Variants in CACNA2D3 observed in about 807,000 individuals in gnomAD.
CACNA2D3 encodes calcium voltage-gated channel auxiliary subunit alpha2delta 3.
Under a neutral mutation model 160.6 loss-of-function variants are expected in CACNA2D3, and 60 were observed. That is an observed-to-expected ratio of 0.37 (90% CI 0.30 to 0.46). The LOEUF (loss-of-function observed/expected upper bound fraction) is 0.46, where lower values mean the gene tolerates loss of function less well. Ranked by LOEUF, CACNA2D3 falls within the 20% of genes least tolerant of loss-of-function variation. The pLI, the probability that CACNA2D3 is intolerant of heterozygous loss-of-function variation, is 1.00. For synonymous variants in CACNA2D3, 558 were observed against 492.9 expected, an observed-to-expected ratio of 1.13 and a Z score of -1.75; for missense variants, 1,205 against 1,365.0, an observed-to-expected ratio of 0.88 and a Z score of 1.85.
chr3:54,636,765 C>T lies in CACNA2D3; in HGVS notation c.1054-5363C>T, dbSNP rs12330161. Among the ~76,000 whole-genome samples, 460 of 151,972 alleles carry T rather than the reference C, an allele frequency of 3.0e-3. 9 individuals carry two copies. Among genetic ancestry groups the T allele is most frequent in the Middle Eastern group, 0.014 (4 of 294 alleles). On this transcript the variant is annotated intron_variant, in intron 10 of 37. Coordinates refer to ENST00000474759, the MANE Select transcript of CACNA2D3 (RefSeq NM_018398.3). ...TCGGACACGATCAGCAGGGAAAGCACGTGTGTTTTTATGAGAATTATGCCG... is the reference window on the plus strand; with the variant it reads ...TCGGACACGATCAGCAGGGAAAGCATGTGTGTTTTTATGAGAATTATGCCG...
chr3:54,975,356 TA>T (rs1458602285), intron 29 of CACNA2D3, among the ~76,000 whole-genome samples: 1 of 151,942 alleles, frequency 6.6e-6, no homozygotes, highest in Non-Finnish European at 1.5e-5. Context: ...CCGTCTTTAC[TA>T]AAAATACAAA....
chr3:54,480,258 T>C (rs371486034), intron 4 of CACNA2D3, among the ~76,000 whole-genome samples: 15 of 152,316 alleles, frequency 9.8e-5, no homozygotes, highest in South Asian at 2.1e-4. Flanking sequence ...ATAATTGCAC[T>C]GAAATCACTG....
intron 13 of CACNA2D3, among the ~76,000 whole-genome samples, chr3:54,783,336 T>A (rs987128069): frequency 6.6e-6 from 1 of 152,082 alleles, no homozygotes; most frequent in Non-Finnish European, 1.5e-5. Flanking sequence ...CCGGGCACGG[T>A]GGCTCACACC....
intron 27 of CACNA2D3, chr3:54,925,188 AT>A: frequency 6.2e-7 from 1 of 1,613,022 alleles, no homozygotes; most frequent in Non-Finnish European, 8.5e-7. Context: ...GAGCAGGACA[AT>A]CACACTGGAA....
intron 2 of CACNA2D3, among the ~76,000 whole-genome samples, chr3:54,239,576 A>C (rs1367148503): frequency 6.6e-6 from 1 of 152,260 alleles, no homozygotes; most frequent in Non-Finnish European, 1.5e-5. Context: ...TTGGATCAGA[A>C]GAAGGGAGAT....
chr3:54,670,857 G>A (rs1365025752), intron 11 of CACNA2D3, among the ~76,000 whole-genome samples: 1 of 152,098 alleles, frequency 6.6e-6, no homozygotes, highest in African/African-American at 2.4e-5. Context: ...ACTGGGAATG[G>A]CTACTGAGCA....
intron 31 of CACNA2D3, among the ~76,000 whole-genome samples, chr3:54,998,097 A>G (rs1702898658): frequency 1.3e-5 from 2 of 151,920 alleles, no homozygotes; most frequent in Admixed American, 1.3e-4. Context: ...GATAATGTCA[A>G]CACTGCTGAC....
chr3:54,756,793 C>G (rs1000700770), intron 12 of CACNA2D3, among the ~76,000 whole-genome samples: 3 of 152,140 alleles, frequency 2.0e-5, no homozygotes, highest in Admixed American at 1.3e-4. Flanking sequence ...AGATCTCAGA[C>G]ACTTTCCTCT....
intron 35 of CACNA2D3, among the ~76,000 whole-genome samples, chr3:55,036,870 T>C (rs1005214836): frequency 1.3e-5 from 2 of 152,150 alleles, no homozygotes; most frequent in African/African-American, 2.4e-5. Flanking sequence ...TATTTAGCAG[T>C]AGTTCCTAAA....
At chr3:54,970,424 TCCCTCCTCTCCTCCCCTCCCCTC>T (rs1702242051) in intron 29 of CACNA2D3, among the ~76,000 whole-genome samples, 2 of 109,454 alleles carry the variant, frequency 1.8e-5, no homozygotes, top group African/African-American at 3.5e-5. Context: ...TCTCTCCGTC[TCCCTCCTCTCCTCCCCTCCCCTC>T]CCCTCCTCTC....
At chr3:54,165,790 C>G (rs2107303828) in intron 2 of CACNA2D3, among the ~76,000 whole-genome samples, 2 of 151,992 alleles carry the variant, frequency 1.3e-5, no homozygotes, top group Admixed American at 1.3e-4. Flanking sequence ...AGAATGAGAC[C>G]CTGTCTCTAA....
chr3:54,152,600 A>G (rs774208801), intron 2 of CACNA2D3, among the ~76,000 whole-genome samples: 23 of 152,314 alleles, frequency 1.5e-4, no homozygotes, highest in Non-Finnish European at 2.9e-4. Context: ...TGGTAAGTGA[A>G]TCAATCAAGG....
chr3:54,940,092 A>T (rs1377232672), intron 27 of CACNA2D3, among the ~76,000 whole-genome samples: 1 of 152,202 alleles, frequency 6.6e-6, no homozygotes, highest in Non-Finnish European at 1.5e-5. Context: ...TCAATCTTCT[A>T]TGGTCAGGAA....
intron 27 of CACNA2D3, among the ~76,000 whole-genome samples, chr3:54,939,919 A>G (rs1268221881): frequency 6.6e-6 from 1 of 152,220 alleles, no homozygotes. Context: ...CCTGGAAGAA[A>G]GTGGAAGTGG....
intron 35 of CACNA2D3, among the ~76,000 whole-genome samples, chr3:55,063,951 G>A (rs918414733): frequency 2.2e-4 from 33 of 152,210 alleles, no homozygotes; most frequent in African/African-American, 7.2e-4. Flanking sequence ...ATTCTTAAAG[G>A]TACTAAAAGG....
intron 27 of CACNA2D3, chr3:54,928,078 A>G (rs754133020): frequency 3.1e-6 from 2 of 649,164 alleles, no homozygotes; most frequent in Non-Finnish European, 5.5e-6. Context: ...CTTTCAAAAG[A>G]CCATTTATTT....
intron 2 of CACNA2D3, among the ~76,000 whole-genome samples, chr3:54,208,672 A>G (rs926020803): frequency 6.6e-6 from 1 of 152,006 alleles, no homozygotes; most frequent in African/African-American, 2.4e-5. Context: ...TTGGACAGGC[A>G]CATCCAGTTC....
intron 5 of CACNA2D3, among the ~76,000 whole-genome samples, chr3:54,528,325 A>G (rs1424762112): frequency 3.3e-5 from 5 of 152,192 alleles, no homozygotes; most frequent in Non-Finnish European, 5.9e-5. Flanking sequence ...TGTGAGGATT[A>G]AGTGAGTTAA....
At chr3:54,363,011 A>G (rs990869984) in intron 3 of CACNA2D3, among the ~76,000 whole-genome samples, 10 of 152,128 alleles carry the variant, frequency 6.6e-5, no homozygotes, top group African/African-American at 1.9e-4. Flanking sequence ...CCTGGTCAAC[A>G]TGGTGAAACC....
Sources: allele counts gnomAD v4.1 joint callset (sites outside exome capture counted in the v4.1 genomes callset), GRCh38; gene constraint gnomAD v4.1.1; transcripts MANE v1.5; gene names NCBI Gene and HGNC (gene_info 2026-07-23, HGNC 2026-07-21).